Variants in ASTN1 observed in about 807,000 individuals in gnomAD.
ASTN1 encodes the protein astrotactin 1.
In ASTN1, 41 loss-of-function variants were observed where a neutral mutation model predicts 140.7. The ratio of observed to expected loss-of-function variants is 0.29; its 90% CI spans 0.23 to 0.38. The LOEUF is 0.38. ASTN1 is among the 10% of genes least tolerant of loss of function. The pLI, the probability that ASTN1 is intolerant of heterozygous loss-of-function variation, is 1.00. For synonymous variants in ASTN1, 640 were observed against 652.2 expected (o/e 0.98, Z 0.29); for missense variants, 1,479 against 1,678.8 (o/e 0.88, Z 2.08).
intron 16 of ASTN1, among the ~76,000 whole-genome samples, chr1:176,928,885 C>A (rs1425573088): frequency 6.6e-6 from 1 of 152,072 alleles, no homozygotes; most frequent in African/African-American, 2.4e-5. Context: ...AGGAATTAGG[C>A]AACAGAACAG....
chr1:176,993,338 T>C (rs1674279347), intron 8 of ASTN1, among the ~76,000 whole-genome samples: 1 of 152,180 alleles, frequency 6.6e-6, no homozygotes, highest in South Asian at 2.1e-4. Context: ...TATACTGTCT[T>C]GAATTTTCTT....
chr1:177,019,431 T>C (rs948240491), intron 7 of ASTN1, among the ~76,000 whole-genome samples: 2 of 152,206 alleles, frequency 1.3e-5, no homozygotes, highest in African/African-American at 2.4e-5. Flanking sequence ...ATGAACCTAA[T>C]TTACATGCAT....
intron 20 of ASTN1, among the ~76,000 whole-genome samples, chr1:176,879,455 C>T (rs1020138596): frequency 2.0e-5 from 3 of 152,176 alleles, no homozygotes; most frequent in African/African-American, 4.8e-5. Context: ...CCTTTTGTAG[C>T]CCACCATTCC....
At chr1:176,879,575 G>A (rs763477812) in intron 20 of ASTN1, among the ~76,000 whole-genome samples, 28 of 150,526 alleles carry the variant, frequency 1.9e-4, no homozygotes, top group African/African-American at 3.2e-4. Context: ...CTCTCCCCCC[G>A]CCCCCAAGCT....
intron 8 of ASTN1, among the ~76,000 whole-genome samples, chr1:176,983,040 T>C (rs528586991): frequency 6.6e-6 from 1 of 152,274 alleles, no homozygotes; most frequent in East Asian, 1.9e-4. Context: ...TTTCCAGGTA[T>C]GCACATGAGT....
At chr1:177,158,308 G>A (rs1339796844) in intron 1 of ASTN1, among the ~76,000 whole-genome samples, 1 of 152,128 alleles carries the variant, frequency 6.6e-6, no homozygotes, top group Non-Finnish European at 1.5e-5. Context: ...CATATTTTTA[G>A]TAGGAATAAA....
intron 20 of ASTN1, among the ~76,000 whole-genome samples, chr1:176,879,268 C>T (rs1668690223): frequency 6.6e-6 from 1 of 152,182 alleles, no homozygotes; most frequent in Admixed American, 6.5e-5. Flanking sequence ...TGCCCCATCC[C>T]CTGTCATTCT....
At chr1:177,135,989 A>G (rs1016834041) in intron 1 of ASTN1, among the ~76,000 whole-genome samples, 1 of 152,258 alleles carries the variant, frequency 6.6e-6, no homozygotes, top group Non-Finnish European at 1.5e-5. Flanking sequence ...CTTGAGAATT[A>G]TAAAATGAAG....
In ASTN1 at chr1:177,032,753, G is replaced by T; in HGVS notation, c.568C>A (p.Gln190Lys). The change falls in exon 3 of 23, where the codon CAG (glutamine) becomes AAG (lysine). Residue 190 changes from glutamine to lysine, a missense_variant. Gln to Lys is a moderately conservative substitution (Grantham distance 53). Around this residue, in one of 3 missense-constraint regions of ASTN1, gnomAD observed 729 missense variants for 860.4 expected, o/e 0.85. Transcript: ENST00000361833. ...GCTGCCTCAGCACTGGCACTCTTCTGGGGCTGCGGGACCCGGCGGCGTTTG... is the reference window on the plus strand; with the variant it reads ...GCTGCCTCAGCACTGGCACTCTTCTTGGGCTGCGGGACCCGGCGGCGTTTG... Reference protein sequence around the residue: ...WCKRRRVPQPQKSASAEAANE... With the variant: ...WCKRRRVPQPKKSASAEAANE... 2.5e-6 allele frequency: 4 copies of T among 1,613,700 alleles called. No homozygotes were observed. The highest frequency in any genetic ancestry group is 2.5e-6 in the Non-Finnish European group (3 of 1,180,018).
chr1:177,144,428 A>AT (rs1254232670), intron 1 of ASTN1, among the ~76,000 whole-genome samples: 1 of 150,718 alleles, frequency 6.6e-6, no homozygotes, highest in Non-Finnish European at 1.5e-5. Context: ...AGTTTTTTGT[A>AT]TTTTTAGTAG....
At chr1:176,894,929 C>T (rs769053250) in intron 16 of ASTN1, 99 bp from the exon 17 acceptor site, 264 of 1,495,294 alleles carry the variant, frequency 1.8e-4, no homozygotes, top group Non-Finnish European at 2.3e-4. Context: ...TCTTTGGGAT[C>T]AGAAACAGCC....
intron 1 of ASTN1, 69 bp from the exon 2 acceptor site, chr1:177,061,334 C>G (rs973092696): frequency 2.2e-4 from 299 of 1,382,046 alleles, no homozygotes; most frequent in Non-Finnish European, 2.8e-4. Context: ...TTCTTCCTCG[C>G]CACTTGTACC....
At chr1:177,066,478 G>C (rs978431665) in intron 1 of ASTN1, among the ~76,000 whole-genome samples, 1 of 152,176 alleles carries the variant, frequency 6.6e-6, no homozygotes, top group African/African-American at 2.4e-5. Context: ...CTTGTGGATT[G>C]TGAGCTTGTA....
rs145576002 is a variant in ASTN1, at chr1:177,096,319, T to C, written c.284-35054A>G. On this transcript the variant is annotated intron_variant, in intron 1 of 22. Transcript: ENST00000361833. ...TTGGGGGCTATTGGGATGAAATGAATGCATTTTTCATGCAAGAAGGACATT... is the reference window on the plus strand; with the variant it reads ...TTGGGGGCTATTGGGATGAAATGAACGCATTTTTCATGCAAGAAGGACATT... Among the ~76,000 whole-genome samples, 5 of 152,268 alleles carry C rather than the reference T, an allele frequency of 3.3e-5. No individual in the cohort carries two copies. In the East Asian group the frequency reaches 9.7e-4, roughly 29 times the overall value.
At chr1:177,049,917 A>G (rs1677451175) in intron 2 of ASTN1, among the ~76,000 whole-genome samples, 2 of 152,180 alleles carry the variant, frequency 1.3e-5, no homozygotes, top group Non-Finnish European at 1.5e-5. Flanking sequence ...GGGGCTGGGG[A>G]TGGTCACAGC....
At chr1:177,142,440 C>T (rs1682513125) in intron 1 of ASTN1, among the ~76,000 whole-genome samples, 1 of 152,122 alleles carries the variant, frequency 6.6e-6, no homozygotes, top group Non-Finnish European at 1.5e-5. Flanking sequence ...GAATACTTAT[C>T]CTATTATTCC....
intron 1 of ASTN1, among the ~76,000 whole-genome samples, chr1:177,106,387 A>G (rs1680544944): frequency 6.6e-6 from 1 of 152,138 alleles, no homozygotes; most frequent in South Asian, 2.1e-4. Context: ...AGGGGCATCC[A>G]TAATCATCCC....
At chr1:177,029,123 C>G (rs539074384) in intron 5 of ASTN1, among the ~76,000 whole-genome samples, 1 of 152,100 alleles carries the variant, frequency 6.6e-6, no homozygotes, top group Non-Finnish European at 1.5e-5. Context: ...CTGGGAGGCT[C>G]GGGGTCCTGT....
intron 1 of ASTN1, among the ~76,000 whole-genome samples, chr1:177,111,383 A>G (rs902025314): frequency 2.0e-5 from 3 of 152,306 alleles, no homozygotes; most frequent in African/African-American, 7.2e-5. Context: ...TGTGCATGTG[A>G]ATCACTTGGG....
Sources: allele counts gnomAD v4.1 joint callset (sites outside exome capture counted in the v4.1 genomes callset), GRCh38; gene constraint gnomAD v4.1.1; regional missense constraint gnomAD v4.1.1; transcripts MANE v1.5; gene names NCBI Gene and HGNC (gene_info 2026-07-23, HGNC 2026-07-21).